Variants in HCRTR2 observed in about 807,000 individuals in gnomAD.
HCRTR2 encodes the protein orexin receptor type 2.
HCRTR2 carries 22 observed loss-of-function variants against 49.0 expected under a neutral mutation model. The ratio of observed to expected loss-of-function variants is 0.45; its 90% confidence interval spans 0.32 to 0.64. The LOEUF is 0.64. Ranked by LOEUF, HCRTR2 falls within the 30% of genes least tolerant of loss-of-function variation. The pLI is 0.04. For missense variants in HCRTR2, 491 were observed against 559.4 expected (o/e 0.88, Z 1.23); for synonymous variants, 236 against 205.3 (o/e 1.15, Z -1.28).
chr6:55,266,744 C>A (rs1766867766), intron 4 of HCRTR2, among the ~76,000 whole-genome samples: 1 of 151,998 alleles, frequency 6.6e-6, no homozygotes, highest in African/African-American at 2.4e-5. Context: ...TACCATGATA[C>A]CATGGTTACC....
intron 1 of HCRTR2, among the ~76,000 whole-genome samples, chr6:55,222,115 A>G (rs1388994738): frequency 6.6e-6 from 1 of 152,160 alleles, no homozygotes; most frequent in Non-Finnish European, 1.5e-5. Context: ...ACTCAATAGC[A>G]AAAAACTAAC....
At chr6:55,109,171 G>T (rs533397031) in intron 1 of HCRTR2, among the ~76,000 whole-genome samples, 1 of 152,280 alleles carries the variant, frequency 6.6e-6, no homozygotes, top group African/African-American at 2.4e-5. Context: ...CTCTCAGGAA[G>T]CCCCATTCCT....
intron 1 of HCRTR2, among the ~76,000 whole-genome samples, chr6:55,152,441 T>G (rs1764676163): frequency 6.6e-6 from 1 of 152,024 alleles, no homozygotes; most frequent in Non-Finnish European, 1.5e-5. Context: ...TTATTTGTCT[T>G]TTGCTATAGA....
At chr6:55,167,409 ATT>A (rs965679209) in intron 1 of HCRTR2, among the ~76,000 whole-genome samples, 5 of 149,594 alleles carry the variant, frequency 3.3e-5, no homozygotes, top group African/African-American at 9.8e-5. Flanking sequence ...ACAATGGATC[ATT>A]TTTTTTTTCA....
chr6:55,165,265 A>C (rs1255025225), intron 1 of HCRTR2, among the ~76,000 whole-genome samples: 1 of 152,060 alleles, frequency 6.6e-6, no homozygotes, highest in Admixed American at 6.6e-5. Flanking sequence ...AAGTTTATTC[A>C]AAGGGATAAC....
Position 55,193,481 on chromosome 6 carries a change from C to T in HCRTR2, c.223+18671C>T, listed in dbSNP as rs183008715. ...CCTTCAGTTTTTATTATCCACAGAA[C>T]GACAAAGAAACAACAACAACAACAA... On this transcript the variant is annotated intron_variant, in intron 1 of 6. Transcript: ENST00000370862. 1.2e-3 allele frequency among the ~76,000 whole-genome samples: 187 copies of T among 151,362 alleles called. 3 individuals are homozygous for T. In the East Asian group the frequency reaches 0.024, roughly 20 times the overall value.
At chr6:55,197,854 C>A (rs1765445555) in intron 1 of HCRTR2, among the ~76,000 whole-genome samples, 1 of 152,078 alleles carries the variant, frequency 6.6e-6, no homozygotes, top group African/African-American at 2.4e-5. Context: ...ATCCCCTGAC[C>A]TTGTGATCTG....
chr6:55,226,171 GT>G (rs777338057), intron 1 of HCRTR2, among the ~76,000 whole-genome samples: 3 of 152,108 alleles, frequency 2.0e-5, no homozygotes, highest in Non-Finnish European at 4.4e-5. Flanking sequence ...ATTTTTCTTA[GT>G]TTCCTTATTT....
At chr6:55,191,163 A>G (rs1258692024) in intron 1 of HCRTR2, among the ~76,000 whole-genome samples, 5 of 152,218 alleles carry the variant, frequency 3.3e-5, no homozygotes, top group Non-Finnish European at 7.3e-5. Flanking sequence ...CAACTTTGAA[A>G]TTATATTTTT....
At chr6:55,137,477 T>A (rs1429382081) in intron 1 of HCRTR2, among the ~76,000 whole-genome samples, 1 of 152,196 alleles carries the variant, frequency 6.6e-6, no homozygotes. Flanking sequence ...AATTTTTTCC[T>A]GAGAGCAAGA....
intron 1 of HCRTR2, among the ~76,000 whole-genome samples, chr6:55,185,041 G>A (rs758850326): frequency 1.3e-5 from 2 of 152,170 alleles, no homozygotes; most frequent in Non-Finnish European, 2.9e-5. Context: ...TCTGGGCAGG[G>A]TTATGGAGGT....
intron 1 of HCRTR2, among the ~76,000 whole-genome samples, chr6:55,236,532 T>G (rs1766217747): frequency 6.6e-6 from 1 of 152,116 alleles, no homozygotes; most frequent in African/African-American, 2.4e-5. Context: ...TATTGCTTTA[T>G]TACCCTTGCT....
chr6:55,106,702 C>T (rs1763979882), intron 1 of HCRTR2, among the ~76,000 whole-genome samples: 1 of 152,042 alleles, frequency 6.6e-6, no homozygotes, highest in Non-Finnish European at 1.5e-5. Flanking sequence ...CATTTTTCAA[C>T]TTTTTGTTAA....
intron 1 of HCRTR2, among the ~76,000 whole-genome samples, chr6:55,131,609 G>T (rs757240334): frequency 2.0e-5 from 3 of 151,424 alleles, no homozygotes; most frequent in Admixed American, 6.6e-5. Context: ...ATTTCGACAA[G>T]CAAAAAAAGG....
At chr6:55,222,705 T>A (rs1170614554) in intron 1 of HCRTR2, among the ~76,000 whole-genome samples, 1 of 152,160 alleles carries the variant, frequency 6.6e-6, no homozygotes, top group Non-Finnish European at 1.5e-5. Context: ...ACTGCATGAA[T>A]ATACTTCTAT....
At chr6:55,248,120 C>T (rs1174505442) in intron 1 of HCRTR2, among the ~76,000 whole-genome samples, 1 of 152,068 alleles carries the variant, frequency 6.6e-6, no homozygotes, top group Non-Finnish European at 1.5e-5. Context: ...AGTATATGAA[C>T]CATCTAGCTC....
intron 1 of HCRTR2, among the ~76,000 whole-genome samples, chr6:55,187,698 T>TC (rs1414633975): frequency 2.0e-5 from 3 of 148,888 alleles, no homozygotes; most frequent in Non-Finnish European, 4.5e-5. Flanking sequence ...TTTTTTTTTT[T>TC]TTTTTTACAG....
intron 1 of HCRTR2, among the ~76,000 whole-genome samples, chr6:55,230,953 T>C (rs1163956226): frequency 1.3e-5 from 2 of 152,028 alleles, no homozygotes; most frequent in Non-Finnish European, 2.9e-5. Context: ...GTAAGAAGTA[T>C]CACATCTAAT....
At chr6:55,262,765 A>AATAT (rs3065669) in intron 3 of HCRTR2, among the ~76,000 whole-genome samples, 18 of 138,854 alleles carry the variant, frequency 1.3e-4, no homozygotes, top group Non-Finnish European at 2.5e-4. Flanking sequence ...TTAGGTAGGG[A>AATAT]ATATATATAT....
Sources: gnomAD v4.1 joint callset for allele counts (sites outside exome capture counted in the v4.1 genomes callset) on GRCh38, gnomAD v4.1.1 for gene constraint, MANE v1.5 for transcripts, NCBI Gene and HGNC (gene_info 2026-07-23, HGNC 2026-07-21) for gene names.